GOLGA4: variants seen among roughly 807,000 people sequenced by gnomAD.
GOLGA4 encodes golgin A4, also known as golgin subfamily A member 4.
A neutral mutation model predicts 265.9 loss-of-function variants in GOLGA4; 169 were observed. The ratio of observed to expected loss-of-function variants is 0.64; its 90% CI spans 0.56 to 0.72. The LOEUF (loss-of-function observed/expected upper bound fraction) is 0.72. Ranked by LOEUF, GOLGA4 falls within the 30% of genes least tolerant of loss-of-function variation. The probability of loss-of-function intolerance (pLI) is 0.00; values close to 1 mark genes in which losing one functional copy is unlikely to be tolerated. For synonymous variants in GOLGA4, 923 were observed against 855.8 expected (o/e 1.08, Z -1.37); for missense variants, 2,482 against 2,483.4 (o/e 1.00, Z 0.01).
chr3:37,321,661 C>T (rs906531844), intron 12 of GOLGA4, 70 bp from the exon 13 acceptor site: 4 of 1,349,596 alleles, frequency 3.0e-6, no homozygotes, highest in African/African-American at 1.5e-5. Flanking sequence ...TGAATGATTC[C>T]TGGGGAAGTA....
At position 37,323,928 on chromosome 3, in the gene GOLGA4, T is replaced by C; in HGVS notation, c.2042T>C (p.Val681Ala). Residue 681 changes from valine (V) to alanine (A), a missense_variant, in exon 14 of 24, where the codon GTG becomes GCG. Physicochemically the swap from Val to Ala is moderately conservative, Grantham distance 64. Transcript: ENST00000361924. Reference protein sequence around the residue: ...MNEKTLEKLDVKQTELESLSS... With the variant: ...MNEKTLEKLDAKQTELESLSS... ...GAAAAGACTTTAGAAAAGCTTGATG[T>C]GAAGCAAACAGAACTAGAATCATTA... is the stretch of plus-strand genomic sequence containing the variant. 1.2e-6 allele frequency: 2 copies of C among 1,613,608 alleles called. No homozygotes were observed. The highest frequency in any genetic ancestry group is 1.7e-6 in the Non-Finnish European group (2 of 1,179,924).
At chr3:37,307,374 A>G (rs1369227822) in intron 10 of GOLGA4, among the ~76,000 whole-genome samples, 1 of 152,238 alleles carries the variant, frequency 6.6e-6, no homozygotes, top group Non-Finnish European at 1.5e-5. Context: ...TGTAAGATTT[A>G]TGCATTTTTA....
In GOLGA4 at chr3:37,335,099, A is replaced by C; in HGVS notation, c.6239A>C (p.Gln2080Pro). Reference protein sequence around the residue: ...MTAKVRDLQTQLEELQKKYQQ... With the variant: ...MTAKVRDLQTPLEELQKKYQQ... Reference sequence around the variant, plus strand: ...GCAAAAGTAAGGGACCTGCAGACTCAACTTGAGGAGCTGCAGAAGAAATAC... The same window carrying C: ...GCAAAAGTAAGGGACCTGCAGACTCCACTTGAGGAGCTGCAGAAGAAATAC... Residue 2080 changes from glutamine (Q) to proline (P), a missense_variant, in exon 17 of 24, where the codon CAA becomes CCA. Coordinates refer to ENST00000361924, the MANE Select transcript of GOLGA4 (RefSeq NM_002078.5). The C allele has an allele frequency of 1.9e-6, 3 of 1,610,400 alleles. No individual in the cohort carries two copies. Among genetic ancestry groups the C allele is most frequent in the Non-Finnish European group, 2.5e-6 (3 of 1,177,758 alleles).
chr3:37,291,361 A>AC (rs1477370465), intron 5 of GOLGA4, among the ~76,000 whole-genome samples: 6 of 152,278 alleles, frequency 3.9e-5, no homozygotes, highest in Middle Eastern at 6.8e-3. Context: ...TGAATGGGAA[A>AC]CACATCTACT....
rs1491566271 is a variant in GOLGA4, at chr3:37,336,061, CTT to C, written c.6306+896_6306+897del. ...TTTACACCACCAGTTACATGGATGA[CTT>C]ACCCGCAGTGCAGAGAAAGAGCCTC... On this transcript the variant is annotated intron_variant, in intron 17 of 23. Transcript: ENST00000361924. Among the ~76,000 whole-genome samples, 3 of 152,164 alleles carry C rather than the reference CTT, an allele frequency of 2.0e-5. No individual in the cohort carries two copies. The East Asian group carries it at 5.8e-4, about 29-fold the overall frequency.
chr3:37,271,664 C>T (rs1426730919), intron 2 of GOLGA4, among the ~76,000 whole-genome samples: 1 of 151,934 alleles, frequency 6.6e-6, no homozygotes, highest in African/African-American at 2.4e-5. Flanking sequence ...TCCCCACTCC[C>T]ACCCCATTGG....
At position 37,329,694 on chromosome 3, in the gene GOLGA4, T is replaced by A. The variant is rs563499192; in HGVS notation, c.6192+601T>A. ...TGCAATTCACAGAATATGCCACTAA[T>A]GCATTGCCATTAGCAAAATAAGATA... On this transcript the variant is annotated intron_variant, in intron 16 of 23. Coordinates refer to ENST00000361924, the MANE Select transcript of GOLGA4 (RefSeq NM_002078.5). 2.3e-3 allele frequency among the ~76,000 whole-genome samples: 347 copies of A among 152,354 alleles called. 3 individuals carry two copies. Among genetic ancestry groups the A allele is most frequent in the Admixed American group, 2.2e-3 (33 of 15,298 alleles).
intron 2 of GOLGA4, among the ~76,000 whole-genome samples, chr3:37,271,869 C>T (rs993518126): frequency 6.6e-5 from 10 of 152,190 alleles, no homozygotes; most frequent in Non-Finnish European, 1.3e-4. Flanking sequence ...CCCGCATTAC[C>T]ACTTGAGCTC....
intron 16 of GOLGA4, 104 bp downstream of exon 16, chr3:37,329,197 G>A (rs950243375): frequency 3.1e-6 from 3 of 965,810 alleles, no homozygotes; most frequent in Non-Finnish European, 4.5e-6. Flanking sequence ...GAACGAAAAG[G>A]GTTTTTTTTT....
chr3:37,314,428 G>T (rs571674333), intron 10 of GOLGA4, among the ~76,000 whole-genome samples: 1 of 152,066 alleles, frequency 6.6e-6, no homozygotes, highest in Non-Finnish European at 1.5e-5. Context: ...ATCACTTGAG[G>T]TCAGGAGTTT....
At chr3:37,363,541 T>G (rs2151098168) in intron 23 of GOLGA4, among the ~76,000 whole-genome samples, 1 of 152,342 alleles carries the variant, frequency 6.6e-6, no homozygotes, top group Non-Finnish European at 1.5e-5. Flanking sequence ...GTCACTCTTG[T>G]TCTCTCTCCA....
chr3:37,335,653 T>C (rs1212732097), intron 17 of GOLGA4, among the ~76,000 whole-genome samples: 1 of 152,240 alleles, frequency 6.6e-6, no homozygotes, highest in East Asian at 1.9e-4. Context: ...AAACAATTTC[T>C]ATCTTTGTTT....
intron 10 of GOLGA4, among the ~76,000 whole-genome samples, chr3:37,308,967 T>C (rs999472001): frequency 4.0e-5 from 6 of 151,838 alleles, no homozygotes; most frequent in African/African-American, 1.4e-4. Flanking sequence ...ATAACAATTA[T>C]AGGCCGGGTG....
intron 11 of GOLGA4, among the ~76,000 whole-genome samples, chr3:37,316,426 T>C (rs991094676): frequency 6.6e-6 from 1 of 152,220 alleles, no homozygotes; most frequent in African/African-American, 2.4e-5. Context: ...CTTTTACTTA[T>C]GAGTGCATAA....
In GOLGA4 at chr3:37,325,033, G is replaced by A; in HGVS notation, c.3147G>A (p.Lys1049=). The stretch of plus-strand genomic sequence containing the variant: ...ATGATGTCATATCAATCTGGGAAAA[G>A]AAACTTAATCAGCAAGCTGAAGAAC... ...ELNDVISIWE[K]KLNQQAEELQ... The change falls in exon 14 of 24, where the codon AAG becomes AAA. Residue 1049 remains lysine (K), a synonymous_variant. Transcript: ENST00000361924. 1.2e-6 allele frequency: 2 copies of A among 1,612,708 alleles called. No homozygotes were observed. Among genetic ancestry groups the A allele is most frequent in the South Asian group, 2.2e-5 (2 of 90,844 alleles).
At chr3:37,306,501 CTGTGTGTGTGTGTGTGTGTGTGTGTG>C (rs35641880) in intron 10 of GOLGA4, among the ~76,000 whole-genome samples, 1 of 140,102 alleles carries the variant, frequency 7.1e-6, no homozygotes, top group Non-Finnish European at 1.6e-5. Context: ...TGGCTGTTCT[CTGTGTGTGTGTGTGTGTGTGTGTGTG>C]TGTGTGTGTG....
At chr3:37,272,494 G>A (rs2096801374) in intron 2 of GOLGA4, among the ~76,000 whole-genome samples, 2 of 152,180 alleles carry the variant, frequency 1.3e-5, no homozygotes, top group African/African-American at 4.8e-5. Flanking sequence ...CTGTGAGCAT[G>A]TCATTGCACT....
chr3:37,274,314 C>A (rs1052083290), intron 2 of GOLGA4, among the ~76,000 whole-genome samples: 3 of 151,850 alleles, frequency 2.0e-5, no homozygotes, highest in Non-Finnish European at 4.4e-5. Context: ...TTTAGGTTGT[C>A]CTTGATTTTA....
Position 37,243,319 on chromosome 3 carries a change from TG to T in GOLGA4, c.-226del, listed in dbSNP as rs1390162499. The stretch of plus-strand genomic sequence containing the variant: ...CGCCGCCGCGGCTCCCGGGGCTGGA[TG>T]GGGGGCCGAGGCCAGCCAGTGGCAC... On this transcript the variant is annotated 5_prime_UTR_variant, in exon 1 of 24. The change abolishes the stop of an existing upstream ORF in the 5' untranslated region. Coordinates refer to ENST00000361924, the MANE Select transcript of GOLGA4 (RefSeq NM_002078.5). 2.7e-5 allele frequency: 15 copies of T among 559,472 alleles called. No homozygotes were observed. Among genetic ancestry groups the T allele is most frequent in the Non-Finnish European group, 4.8e-5 (15 of 313,630 alleles). The allele number at this position is 559,472 out of a possible 1,614,324, so 34.7% of individuals were successfully genotyped here.
Sources: allele counts gnomAD v4.1 joint callset (sites outside exome capture counted in the v4.1 genomes callset), GRCh38; gene constraint gnomAD v4.1.1; transcripts MANE v1.5; gene names NCBI Gene and HGNC (gene_info 2026-07-23, HGNC 2026-07-21).